LRRTM4: variants seen among roughly 807,000 people sequenced by gnomAD.
The protein encoded by LRRTM4 is leucine-rich repeat transmembrane neuronal protein 4.
Under a neutral mutation model 47.6 loss-of-function variants are expected in LRRTM4, and 25 were observed. That is an observed-to-expected ratio of 0.53 (90% CI 0.38 to 0.73). LRRTM4 has a LOEUF of 0.73. LRRTM4 is among the 30% of genes least tolerant of loss of function. LRRTM4 has a pLI of 0.00. For synonymous variants in LRRTM4, 311 were observed against 269.5 expected, an observed-to-expected ratio of 1.15 and a Z score of -1.51; for missense variants, 638 against 713.4, an observed-to-expected ratio of 0.89 and a Z score of 1.20.
intron 3 of LRRTM4, among the ~76,000 whole-genome samples, chr2:76,883,517 T>C (rs113590578): frequency 6.6e-6 from 1 of 152,144 alleles, no homozygotes; most frequent in Non-Finnish European, 1.5e-5. Flanking sequence ...AATTTACACA[T>C]GCCCCACTGG....
At chr2:77,236,270 G>A (rs540392189) in intron 3 of LRRTM4, among the ~76,000 whole-genome samples, 2 of 152,020 alleles carry the variant, frequency 1.3e-5, no homozygotes, top group African/African-American at 2.4e-5. Context: ...TTACTTTTGT[G>A]TGGCTATTGT....
chr2:77,309,680 ATGATAGAT>A (rs1309096248), intron 3 of LRRTM4, among the ~76,000 whole-genome samples: 9 of 117,788 alleles, frequency 7.6e-5, no homozygotes, highest in Non-Finnish European at 3.5e-5. Flanking sequence ...AGATAGACAG[ATGATAGAT>A]AGATAGATAG....
intron 3 of LRRTM4, among the ~76,000 whole-genome samples, chr2:77,507,955 G>T (rs534520243): frequency 6.6e-6 from 1 of 152,118 alleles, no homozygotes; most frequent in African/African-American, 2.4e-5. Flanking sequence ...GTCCCTAGAA[G>T]AGAAGTACGT....
At chr2:77,017,498 T>C (rs746446593) in intron 3 of LRRTM4, among the ~76,000 whole-genome samples, 26 of 152,286 alleles carry the variant, frequency 1.7e-4, no homozygotes, top group Non-Finnish European at 3.2e-4. Flanking sequence ...TCCTAAGGTC[T>C]GGTAAGTACA....
At chr2:76,788,453 T>A (rs1451921501) in intron 3 of LRRTM4, among the ~76,000 whole-genome samples, 3 of 152,200 alleles carry the variant, frequency 2.0e-5, no homozygotes, top group African/African-American at 7.2e-5. Context: ...TAACACAAGG[T>A]CACGTTTACT....
intron 3 of LRRTM4, among the ~76,000 whole-genome samples, chr2:77,361,380 T>C (rs1229234192): frequency 6.6e-6 from 1 of 152,180 alleles, no homozygotes; most frequent in Non-Finnish European, 1.5e-5. Context: ...TACCCCTTTT[T>C]AAAACTTTTC....
chr2:77,398,726 C>T (rs946155655), intron 3 of LRRTM4, among the ~76,000 whole-genome samples: 11 of 151,714 alleles, frequency 7.3e-5, no homozygotes, highest in Non-Finnish European at 1.2e-4. Context: ...AGAATGACCC[C>T]GTATGGCAGA....
chr2:77,114,128 A>T (rs1668907371), intron 3 of LRRTM4, among the ~76,000 whole-genome samples: 1 of 152,088 alleles, frequency 6.6e-6, no homozygotes, highest in Non-Finnish European at 1.5e-5. Context: ...CAGATTCAGA[A>T]AACTGTAGTA....
chr2:77,250,852 C>T (rs1675582435), intron 3 of LRRTM4, among the ~76,000 whole-genome samples: 1 of 152,014 alleles, frequency 6.6e-6, no homozygotes, highest in African/African-American at 2.4e-5. Context: ...GCCTGTAATC[C>T]CACCACTTTG....
intron 3 of LRRTM4, among the ~76,000 whole-genome samples, chr2:77,504,999 ATAT>A (rs1478051518): frequency 2.0e-5 from 3 of 151,364 alleles, no homozygotes; most frequent in Admixed American, 1.3e-4. Context: ...AACAATTTCT[ATAT>A]TATTTTAATG....
chr2:77,438,152 G>A (rs909780998), intron 3 of LRRTM4, among the ~76,000 whole-genome samples: 1 of 152,012 alleles, frequency 6.6e-6, no homozygotes, highest in African/African-American at 2.4e-5. Flanking sequence ...GCCAAACTAT[G>A]ACATAAATAA....
At chr2:76,925,878 T>C (rs1392716418) in intron 3 of LRRTM4, among the ~76,000 whole-genome samples, 3 of 152,156 alleles carry the variant, frequency 2.0e-5, no homozygotes, top group African/African-American at 7.2e-5. Flanking sequence ...GTATTTATAA[T>C]GAAAGCATCC....
chr2:77,228,003 A>G (rs2103964380), intron 3 of LRRTM4, among the ~76,000 whole-genome samples: 1 of 152,162 alleles, frequency 6.6e-6, no homozygotes, highest in East Asian at 1.9e-4. Context: ...AGTTATCAGG[A>G]AAAATAAAAT....
At chr2:76,942,121 G>C (rs1044453465) in intron 3 of LRRTM4, among the ~76,000 whole-genome samples, 1 of 152,114 alleles carries the variant, frequency 6.6e-6, no homozygotes, top group South Asian at 2.1e-4. Context: ...CTTTTGAGAA[G>C]TGTCTGTTCA....
chr2:77,410,705 A>G (rs403113), intron 3 of LRRTM4, among the ~76,000 whole-genome samples: 124,366 of 152,104 alleles, frequency 0.82, 51,838 homozygotes, highest in Non-Finnish European at 0.9. Context: ...TCATTCCATC[A>G]TGATTATAAC....
chr2:77,008,013 C>G (rs1385187978), intron 3 of LRRTM4, among the ~76,000 whole-genome samples: 1 of 152,164 alleles, frequency 6.6e-6, no homozygotes, highest in African/African-American at 2.4e-5. Context: ...TTAATCTCCA[C>G]TTCACCAAAC....
intron 3 of LRRTM4, among the ~76,000 whole-genome samples, chr2:76,789,321 C>T (rs1674845850): frequency 6.6e-6 from 1 of 152,156 alleles, no homozygotes; most frequent in African/African-American, 2.4e-5. Context: ...CAGAATTCTC[C>T]ACTTCCATGT....
chr2:77,001,785 A>G (rs777213539), intron 3 of LRRTM4, among the ~76,000 whole-genome samples: 9 of 152,046 alleles, frequency 5.9e-5, no homozygotes, highest in Non-Finnish European at 8.8e-5. Flanking sequence ...TATAATCTCA[A>G]CTCCTAACTG....
chr2:77,408,558 T>G (rs694136), intron 3 of LRRTM4, among the ~76,000 whole-genome samples: 55,497 of 151,980 alleles, frequency 0.37, 10,570 homozygotes, highest in East Asian at 0.51. Flanking sequence ...AATTTTCATT[T>G]TGTGTTTTCT....
Sources: gnomAD v4.1 joint callset for allele counts (sites outside exome capture counted in the v4.1 genomes callset) on GRCh38, gnomAD v4.1.1 for gene constraint, MANE v1.5 for transcripts, NCBI Gene and HGNC (gene_info 2026-07-23, HGNC 2026-07-21) for gene names.